The following FNIP1 variants were observed in gnomAD, a reference collection of about 807,000 sequenced individuals.
FNIP1 encodes the protein folliculin interacting protein 1, also known as folliculin-interacting protein 1.
Under a neutral mutation model 124.5 loss-of-function variants are expected in FNIP1, and 40 were observed. The ratio of observed to expected loss-of-function variants is 0.32; its 90% CI spans 0.25 to 0.42. FNIP1 has a LOEUF of 0.42. FNIP1 is among the 10% of genes least tolerant of loss of function. FNIP1 has a pLI of 1.00. For missense variants in FNIP1, 1,176 were observed against 1,403.7 expected (o/e 0.84, Z 2.59); for synonymous variants, 472 against 470.6 (o/e 1.00, Z -0.04).
intron 11 of FNIP1, among the ~76,000 whole-genome samples, chr5:131,693,261 A>T (rs1038673612): frequency 7.1e-5 from 9 of 126,622 alleles, no homozygotes; most frequent in Non-Finnish European, 1.3e-4. Context: ...CCTGTCAACT[A>T]AAAAAAAAAA....
chr5:131,773,538 G>T (rs1204402500), intron 1 of FNIP1, among the ~76,000 whole-genome samples: 1 of 152,096 alleles, frequency 6.6e-6, no homozygotes, highest in Non-Finnish European at 1.5e-5. Context: ...GAGGTATAAG[G>T]TTCCTATAAC....
rs1385078287 is a variant in FNIP1, at chr5:131,672,854, G to A, written c.1590C>T (p.Asp530=). ...GAAAATAAAGTAGCCTCTGGACCAT[G>A]TCTTGTCGTTTGCCAACTACCACAG... is the stretch of plus-strand genomic sequence containing the variant. The part of the protein sequence containing the change: ...ARTVVVGKRQ[D]MVQRLLYFLT... The change falls in exon 14 of 18, where the codon GAC becomes GAT. Residue 530 remains aspartate (D), a synonymous_variant. Transcript: ENST00000510461. The A allele has an allele frequency of 6.2e-7, 1 of 1,607,206 alleles. No homozygotes were observed. Among genetic ancestry groups the A allele is most frequent in the East Asian group, 2.2e-5 (1 of 44,790 alleles).
rs769358304 is a variant in FNIP1, at chr5:131,672,847, G to C, written c.1597C>G (p.Gln533Glu). The C allele has an allele frequency of 1.2e-6, 2 of 1,609,978 alleles. No individual in the cohort carries two copies. The part of the protein sequence containing the change: ...VVVGKRQDMV[Q>E]RLLYFLTYFI... The stretch of plus-strand genomic sequence containing the variant: ...TAAGTAAGAAAATAAAGTAGCCTCT[G>C]GACCATGTCTTGTCGTTTGCCAACT... The change falls in exon 14 of 18, where the codon CAG becomes GAG. Residue 533 changes from glutamine to glutamate, a missense_variant. Gln to Glu is a conservative substitution (Grantham distance 29). Transcript: ENST00000510461.
intron 8 of FNIP1, 34 bp from the exon 9 acceptor site, chr5:131,706,580 A>G (rs1388875653): frequency 6.7e-7 from 1 of 1,484,094 alleles, no homozygotes; most frequent in East Asian, 2.4e-5. Flanking sequence ...GTATAAGTCA[A>G]TAATGACTAA....
intron 1 of FNIP1, among the ~76,000 whole-genome samples, chr5:131,787,047 T>C (rs1772240737): frequency 6.6e-6 from 1 of 152,168 alleles, no homozygotes; most frequent in Non-Finnish European, 1.5e-5. Context: ...TTCCCCCTCT[T>C]CAGCCAGCAT....
intron 2 of FNIP1, among the ~76,000 whole-genome samples, chr5:131,733,471 T>C (rs1770172784): frequency 6.6e-6 from 1 of 152,222 alleles, no homozygotes; most frequent in Non-Finnish European, 1.5e-5. Context: ...GGGTCTGTCA[T>C]ATATAGCTCT....
chr5:131,780,710 C>T (rs940475812), intron 1 of FNIP1, among the ~76,000 whole-genome samples: 1 of 152,108 alleles, frequency 6.6e-6, no homozygotes, highest in African/African-American at 2.4e-5. Flanking sequence ...TATAAGACAG[C>T]AAACTTAATT....
At chr5:131,706,629 G>A in intron 8 of FNIP1, 83 bp from the exon 9 acceptor site, 1 of 1,321,654 alleles carries the variant, frequency 7.6e-7, no homozygotes, top group Non-Finnish European at 9.9e-7. Flanking sequence ...ATTACAAATA[G>A]GTTAAGTTAA....
chr5:131,701,025 C>T (rs1350336729), intron 10 of FNIP1, among the ~76,000 whole-genome samples: 2 of 152,180 alleles, frequency 1.3e-5, no homozygotes, highest in Admixed American at 6.5e-5. Flanking sequence ...GACCAGTACC[C>T]GTCAGTGGCC....
intron 3 of FNIP1, among the ~76,000 whole-genome samples, chr5:131,727,869 C>T (rs947107817): frequency 1.6e-4 from 24 of 152,334 alleles, no homozygotes; most frequent in African/African-American, 5.8e-4. Context: ...TAAGGCAAGC[C>T]TGATGGTGAC....
chr5:131,658,275 C>T (rs1425618737), intron 15 of FNIP1, among the ~76,000 whole-genome samples: 1 of 152,116 alleles, frequency 6.6e-6, no homozygotes, highest in African/African-American at 2.4e-5. Flanking sequence ...ACCACATGGG[C>T]CCTTCTATGA....
intron 2 of FNIP1, among the ~76,000 whole-genome samples, chr5:131,738,264 C>T (rs1014424211): frequency 6.6e-5 from 10 of 152,102 alleles, no homozygotes; most frequent in Admixed American, 3.9e-4. Context: ...TGTATATCAA[C>T]GCTCAGCTCT....
intron 2 of FNIP1, among the ~76,000 whole-genome samples, chr5:131,735,549 TATAC>T (rs987762765): frequency 7.1e-4 from 105 of 148,284 alleles, no homozygotes; most frequent in Middle Eastern, 3.6e-3. Flanking sequence ...TATACATGTA[TATAC>T]ATATACACAT....
intron 15 of FNIP1, among the ~76,000 whole-genome samples, chr5:131,663,395 G>A (rs1262658795): frequency 6.6e-6 from 1 of 152,148 alleles, no homozygotes; most frequent in Non-Finnish European, 1.5e-5. Context: ...TGTCATGTGT[G>A]TGATGTTTAT....
At chr5:131,758,432 CCTT>C (rs1771119579) in intron 1 of FNIP1, among the ~76,000 whole-genome samples, 1 of 152,164 alleles carries the variant, frequency 6.6e-6, no homozygotes, top group South Asian at 2.1e-4. Flanking sequence ...TCATCATGTT[CCTT>C]CTTTTTTATC....
chr5:131,796,523 C>T (rs569904983), intron 1 of FNIP1: 1 of 414,930 alleles, frequency 2.4e-6, no homozygotes, highest in South Asian at 3.7e-5. Context: ...GCGTGTGGAC[C>T]CAAAGTCTCA....
chr5:131,789,061 T>C (rs1772313012), intron 1 of FNIP1, among the ~76,000 whole-genome samples: 1 of 152,184 alleles, frequency 6.6e-6, no homozygotes. Context: ...GTCGTATATA[T>C]ACACAATGGA....
At chr5:131,651,706 A>C in intron 16 of FNIP1, 96 bp downstream of exon 16, 1 of 1,167,568 alleles carries the variant, frequency 8.6e-7, no homozygotes, top group Non-Finnish European at 1.2e-6. Context: ...GTAATGACAC[A>C]AACATTCAGT....
intron 1 of FNIP1, among the ~76,000 whole-genome samples, chr5:131,795,386 C>T (rs1184274168): frequency 6.6e-6 from 1 of 152,132 alleles, no homozygotes; most frequent in Non-Finnish European, 1.5e-5. Context: ...AATGTTTTTT[C>T]ATATGAGTGA....
Sources: gnomAD v4.1 joint callset for allele counts (sites outside exome capture counted in the v4.1 genomes callset) on GRCh38, gnomAD v4.1.1 for gene constraint, MANE v1.5 for transcripts, NCBI Gene and HGNC (gene_info 2026-07-23, HGNC 2026-07-21) for gene names.